The following DLG2 variants were observed in gnomAD, a reference collection of about 807,000 sequenced individuals.
DLG2 encodes the protein disks large homolog 2.
Under a neutral mutation model 132.5 loss-of-function variants are expected in DLG2, and 45 were observed. The observed-to-expected ratio is 0.34, with a 90% confidence interval of 0.27 to 0.44. DLG2 has a LOEUF of 0.44. Among genes scored for constraint, DLG2 ranks in the 20% least tolerant of loss-of-function variants. The pLI, the probability that DLG2 is intolerant of heterozygous loss-of-function variation, is 1.00. For synonymous variants in DLG2, 424 were observed against 419.6 expected, an observed-to-expected ratio of 1.01 and a Z score of -0.13; for missense variants, 1,045 against 1,196.9, an observed-to-expected ratio of 0.87 and a Z score of 1.87.
At chr11:84,804,610 C>G (rs1262110974) in intron 6 of DLG2, among the ~76,000 whole-genome samples, 2 of 152,124 alleles carry the variant, frequency 1.3e-5, no homozygotes, top group Non-Finnish European at 2.9e-5. Context: ...GCTGAACAAG[C>G]CCAAAACTCA....
chr11:85,525,767 T>C (rs2074693836), intron 3 of DLG2, among the ~76,000 whole-genome samples: 1 of 152,160 alleles, frequency 6.6e-6, no homozygotes, highest in Admixed American at 6.6e-5. Flanking sequence ...AGCACAGAAA[T>C]AGAGAACTCA....
At chr11:84,813,977 C>T (rs867521358) in intron 6 of DLG2, among the ~76,000 whole-genome samples, 14 of 152,070 alleles carry the variant, frequency 9.2e-5, no homozygotes, top group Admixed American at 9.2e-4. Context: ...AAAGAAAATA[C>T]ATTTTTCTTG....
intron 3 of DLG2, among the ~76,000 whole-genome samples, chr11:85,375,538 CA>C (rs956236632): frequency 2.6e-5 from 4 of 152,034 alleles, no homozygotes; most frequent in Non-Finnish European, 5.9e-5. Context: ...AAAACAACAA[CA>C]AAAAAACTGT....
At chr11:84,281,113 T>C (rs1455548599) in intron 7 of DLG2, among the ~76,000 whole-genome samples, 1 of 152,116 alleles carries the variant, frequency 6.6e-6, no homozygotes, top group Non-Finnish European at 1.5e-5. Context: ...TGGTTATCCA[T>C]ATGCAAAACA....
chr11:83,753,413 G>C (rs992763744), intron 18 of DLG2, among the ~76,000 whole-genome samples: 2 of 151,634 alleles, frequency 1.3e-5, no homozygotes, highest in African/African-American at 2.4e-5. Flanking sequence ...ACACAGCAAG[G>C]CTCTCTCTCT....
intron 4 of DLG2, among the ~76,000 whole-genome samples, chr11:85,215,509 G>C (rs1190508116): frequency 6.6e-6 from 1 of 152,154 alleles, no homozygotes; most frequent in Admixed American, 6.6e-5. Flanking sequence ...AGTAGACAAA[G>C]AGCAAACTCT....
At chr11:83,541,556 T>C in intron 20 of DLG2, 126 bp downstream of exon 20, 7 of 882,662 alleles carry the variant, frequency 7.9e-6, no homozygotes, top group Non-Finnish European at 1.1e-5. Context: ...ACAATTTTCC[T>C]GCAGATTGAC....
intron 17 of DLG2, among the ~76,000 whole-genome samples, chr11:83,787,366 G>C (rs1394293861): frequency 7.8e-6 from 1 of 128,810 alleles, no homozygotes; most frequent in African/African-American, 3.1e-5. Context: ...CTTTCGCCCA[G>C]GCTGGAGTGC....
At chr11:85,173,422 C>T (rs1412292263) in intron 4 of DLG2, among the ~76,000 whole-genome samples, 2 of 152,108 alleles carry the variant, frequency 1.3e-5, no homozygotes, top group African/African-American at 2.4e-5. Context: ...CAAGCAAATG[C>T]TGATGTAATT....
chr11:85,077,915 C>T (rs910276922), intron 6 of DLG2, among the ~76,000 whole-genome samples: 3 of 151,296 alleles, frequency 2.0e-5, no homozygotes. Context: ...AATTATTTTG[C>T]ATCATTCAAC....
At chr11:84,091,480 T>C (rs1323462369) in intron 10 of DLG2, among the ~76,000 whole-genome samples, 3 of 152,206 alleles carry the variant, frequency 2.0e-5, no homozygotes, top group African/African-American at 7.2e-5. Flanking sequence ...CTCTTGCCTT[T>C]AGGTATTAGA....
At chr11:84,455,689 T>C (rs1224087566) in intron 7 of DLG2, among the ~76,000 whole-genome samples, 1 of 151,504 alleles carries the variant, frequency 6.6e-6, no homozygotes, top group East Asian at 1.9e-4. Context: ...CATACTAGAC[T>C]TTTATTCTAC....
At chr11:85,097,669 C>T (rs1170963010) in intron 6 of DLG2, among the ~76,000 whole-genome samples, 1 of 152,138 alleles carries the variant, frequency 6.6e-6, no homozygotes, top group Non-Finnish European at 1.5e-5. Flanking sequence ...GAAGATTTTC[C>T]TGTATCCTAC....
chr11:84,792,705 A>G (rs2074033904), intron 6 of DLG2, among the ~76,000 whole-genome samples: 1 of 152,082 alleles, frequency 6.6e-6, no homozygotes, highest in African/African-American at 2.4e-5. Flanking sequence ...CAGTTTATTG[A>G]CATATAGTTG....
intron 6 of DLG2, among the ~76,000 whole-genome samples, chr11:84,969,159 C>A (rs1279781872): frequency 6.6e-6 from 1 of 151,280 alleles, no homozygotes; most frequent in African/African-American, 2.4e-5. Flanking sequence ...ACCTTAATAA[C>A]ATTTTGGCTC....
intron 18 of DLG2, among the ~76,000 whole-genome samples, chr11:83,752,237 C>T (rs1231130859): frequency 6.6e-6 from 1 of 151,008 alleles, no homozygotes; most frequent in Admixed American, 6.6e-5. Context: ...CACTGCACTC[C>T]AGCCTGGTTG....
At chr11:85,584,447 T>C (rs1358992395) in intron 3 of DLG2, among the ~76,000 whole-genome samples, 1 of 152,188 alleles carries the variant, frequency 6.6e-6, no homozygotes, top group East Asian at 1.9e-4. Flanking sequence ...TTTGCAGTTA[T>C]AAATTGTGCT....
intron 6 of DLG2, among the ~76,000 whole-genome samples, chr11:84,816,300 T>C (rs919642267): frequency 2.0e-5 from 3 of 151,984 alleles, no homozygotes; most frequent in Non-Finnish European, 4.4e-5. Flanking sequence ...TATTCCTGTC[T>C]CCATTCATCT....
At chr11:84,592,882 G>C (rs1410051882) in intron 6 of DLG2, among the ~76,000 whole-genome samples, 1 of 128,474 alleles carries the variant, frequency 7.8e-6, no homozygotes, top group Non-Finnish European at 1.6e-5. Context: ...TGGATCACAA[G>C]GTCAGGAGAG....
Sources: gnomAD v4.1 joint callset for allele counts (sites outside exome capture counted in the v4.1 genomes callset) on GRCh38, gnomAD v4.1.1 for gene constraint, MANE v1.5 for transcripts, NCBI Gene and HGNC (gene_info 2026-07-23, HGNC 2026-07-21) for gene names.